Variants in ACTR3C observed in about 807,000 individuals in gnomAD.
ACTR3C encodes actin-related protein 3C.
A neutral mutation model predicts 26.3 loss-of-function variants in ACTR3C; 18 were observed. The observed-to-expected ratio is 0.68, with a 90% CI of 0.47 to 1.01. The LOEUF is 1.01. Ranked by LOEUF, ACTR3C falls within the 50% of genes least tolerant of loss-of-function variation. The probability of loss-of-function intolerance (pLI) is 0.00; values close to 1 mark genes in which losing one functional copy is unlikely to be tolerated. For missense variants in ACTR3C, 184 were observed against 250.7 expected (o/e 0.73, Z 1.80); for synonymous variants, 55 against 94.5 (o/e 0.58, Z 2.42).
chr7:150,003,721 G>A, the ACTR3C span, among the ~76,000 whole-genome samples: 1 of 151,984 alleles, frequency 6.6e-6, no homozygotes, highest in African/African-American at 2.4e-5. Flanking sequence ...GTGGTGTCTG[G>A]TGTGGTGTGG....
the ACTR3C span, among the ~76,000 whole-genome samples, chr7:150,020,492 G>T: frequency 6.6e-6 from 1 of 152,040 alleles, no homozygotes; most frequent in Non-Finnish European, 1.5e-5. Context: ...TGGAGACTGA[G>T]GGTACACCTT....
chr7:150,205,691 A>G, the ACTR3C span, among the ~76,000 whole-genome samples: 1 of 152,178 alleles, frequency 6.6e-6, no homozygotes, highest in East Asian at 1.9e-4. Context: ...CTCTTGCCAC[A>G]AAGCCTCATA....
At chr7:149,971,493 G>T in the ACTR3C span, among the ~76,000 whole-genome samples, 1 of 152,128 alleles carries the variant, frequency 6.6e-6, no homozygotes, top group South Asian at 2.1e-4. Context: ...TCTTAGCTTT[G>T]CTCTTCTCTA....
rs145275837 is a variant in ACTR3C at position 150,252,984 on chromosome 7, T to A, written c.565-3930A>T. Among the ~76,000 whole-genome samples, 834 of 151,434 alleles carry A rather than the reference T, an allele frequency of 5.5e-3. 34 individuals carry two copies. The highest frequency in any genetic ancestry group is 0.019 in the African/African-American group (787 of 40,710). ...CTGCAGATTCTGCAGCGGTAAGCCC[T>A]TCTTGACTCTTTTCTGCAGGTTGTG... On this transcript the variant is annotated intron_variant, in intron 6 of 7. Transcript: ENST00000683684.
the ACTR3C span, among the ~76,000 whole-genome samples, chr7:149,953,029 A>T: frequency 0.069 from 10,347 of 150,022 alleles, 1,127 homozygotes; most frequent in African/African-American, 0.23. Flanking sequence ...GCACAAAGGT[A>T]TATGTGCTAT....
chr7:149,971,725 A>G, the ACTR3C span, among the ~76,000 whole-genome samples: 1 of 152,152 alleles, frequency 6.6e-6, no homozygotes, highest in East Asian at 1.9e-4. Flanking sequence ...GTGGAGTGTC[A>G]TGTCTCCCTC....
At chr7:150,136,536 G>T in the ACTR3C span, among the ~76,000 whole-genome samples, 2 of 152,054 alleles carry the variant, frequency 1.3e-5, no homozygotes, top group Non-Finnish European at 2.9e-5. Context: ...CAGGCATGGT[G>T]GGGGGTGTCT....
chr7:150,047,782 T>C, the ACTR3C span: 4 of 1,523,874 alleles, frequency 2.6e-6, no homozygotes, highest in Non-Finnish European at 3.5e-6. Flanking sequence ...AGGAGGTGAC[T>C]CGCCTCCGGG....
chr7:150,150,590 T>A, the ACTR3C span, among the ~76,000 whole-genome samples: 3 of 138,806 alleles, frequency 2.2e-5, 1 homozygote, highest in East Asian at 7.9e-4. Flanking sequence ...TGTGATCCTG[T>A]CTTCCTTCTG....
the ACTR3C span, among the ~76,000 whole-genome samples, chr7:150,211,266 T>C: frequency 0.095 from 14,250 of 149,758 alleles, 946 homozygotes; most frequent in East Asian, 0.24. Flanking sequence ...GCAAACACTC[T>C]GCCTATGGTT....
At chr7:150,138,129 G>A in the ACTR3C span, among the ~76,000 whole-genome samples, 4 of 152,188 alleles carry the variant, frequency 2.6e-5, no homozygotes, top group African/African-American at 9.7e-5. Context: ...CCCAGCTCAC[G>A]TAAGGGGCTG....
chr7:149,888,096 C>T, the ACTR3C span, among the ~76,000 whole-genome samples: 1 of 152,166 alleles, frequency 6.6e-6, no homozygotes, highest in Non-Finnish European at 1.5e-5. Context: ...AATTAAATGC[C>T]TGTTGTTATA....
chr7:150,269,296 GGCGTTCGGA>G (rs1834269528), intron 6 of ACTR3C, among the ~76,000 whole-genome samples: 1 of 135,710 alleles, frequency 7.4e-6, no homozygotes, highest in Non-Finnish European at 1.6e-5. Flanking sequence ...TTCCTGACAG[GGCGTTCGGA>G]GCCCTTCACA....
the ACTR3C span, among the ~76,000 whole-genome samples, chr7:150,174,406 C>A: frequency 1.4e-4 from 20 of 139,062 alleles, 1 homozygote; most frequent in Admixed American, 1.4e-3. Context: ...AAAGACTGGC[C>A]CCCATGATTC....
chr7:149,977,692 A>C, the ACTR3C span, among the ~76,000 whole-genome samples: 1,810 of 152,236 alleles, frequency 0.012, 30 homozygotes, highest in African/African-American at 0.041. Flanking sequence ...AGGGAAAGAG[A>C]TTCTGAGAAA....
At chr7:150,175,403 C>T in the ACTR3C span, among the ~76,000 whole-genome samples, 3 of 143,790 alleles carry the variant, frequency 2.1e-5, no homozygotes, top group Admixed American at 1.3e-4. Flanking sequence ...GCCTTGTCTC[C>T]CTCTCATTCG....
chr7:149,922,972 T>G, the ACTR3C span, among the ~76,000 whole-genome samples: 5 of 105,360 alleles, frequency 4.7e-5, no homozygotes, highest in Non-Finnish European at 9.5e-5. Context: ...ATAAAAGGCT[T>G]TTTTTTTTTT....
chr7:150,182,567 T>C, the ACTR3C span, among the ~76,000 whole-genome samples: 1 of 150,782 alleles, frequency 6.6e-6, no homozygotes, highest in East Asian at 1.9e-4. Context: ...GACCACTAGA[T>C]CTTTTCAGAC....
At chr7:150,257,678 C>T (rs1163872136) in intron 6 of ACTR3C, among the ~76,000 whole-genome samples, 4 of 152,190 alleles carry the variant, frequency 2.6e-5, no homozygotes, top group African/African-American at 7.2e-5. Flanking sequence ...GCCCAATACT[C>T]AGCAGAATGG....
Sources: gnomAD v4.1 joint callset for allele counts (sites outside exome capture counted in the v4.1 genomes callset) on GRCh38, gnomAD v4.1.1 for gene constraint, MANE v1.5 for transcripts, NCBI Gene and HGNC (gene_info 2026-07-23, HGNC 2026-07-21) for gene names.